NKAIN2: variants seen among roughly 807,000 people sequenced by gnomAD.
The protein encoded by NKAIN2 is sodium/potassium transporting ATPase interacting 2, also known as sodium/potassium-transporting ATPase subunit beta-1-interacting protein 2.
A neutral mutation model predicts 32.6 loss-of-function variants in NKAIN2; 14 were observed. The ratio of observed to expected loss-of-function variants is 0.43; its 90% confidence interval spans 0.28 to 0.67. NKAIN2 has a LOEUF of 0.67. NKAIN2 is among the 30% of genes least tolerant of loss of function. The pLI is 0.17. For missense variants in NKAIN2, 198 were observed against 258.3 expected, an observed-to-expected ratio of 0.77 and a Z score of 1.60; for synonymous variants, 80 against 87.2, an observed-to-expected ratio of 0.92 and a Z score of 0.46.
chr6:123,873,402 G>A (rs1305708644), intron 1 of NKAIN2, among the ~76,000 whole-genome samples: 1 of 152,156 alleles, frequency 6.6e-6, no homozygotes, highest in East Asian at 1.9e-4. Flanking sequence ...GTTATTCAGG[G>A]CCAAATAATG....
intron 1 of NKAIN2, among the ~76,000 whole-genome samples, chr6:123,833,016 A>G (rs1235177278): frequency 6.6e-6 from 1 of 152,190 alleles, no homozygotes; most frequent in Non-Finnish European, 1.5e-5. Context: ...TTTTGTCTAA[A>G]ATATAAATAC....
intron 3 of NKAIN2, among the ~76,000 whole-genome samples, chr6:124,482,270 C>A (rs775555064): frequency 2.6e-5 from 4 of 152,094 alleles, no homozygotes; most frequent in African/African-American, 7.2e-5. Context: ...GTGGTTGGCA[C>A]CTTATAATAA....
At chr6:124,202,407 G>A (rs1214667862) in intron 1 of NKAIN2, among the ~76,000 whole-genome samples, 1 of 151,848 alleles carries the variant, frequency 6.6e-6, no homozygotes, top group Non-Finnish European at 1.5e-5. Flanking sequence ...ACTGGAGTTA[G>A]GTGAGCATAT....
chr6:123,835,198 A>G (rs1190329067), intron 1 of NKAIN2, among the ~76,000 whole-genome samples: 1 of 152,210 alleles, frequency 6.6e-6, no homozygotes, highest in East Asian at 1.9e-4. Flanking sequence ...AGTTTCATTC[A>G]ATCAGTTGCC....
chr6:124,116,158 C>G (rs1785598592), intron 1 of NKAIN2, among the ~76,000 whole-genome samples: 2 of 152,084 alleles, frequency 1.3e-5, no homozygotes, highest in South Asian at 4.1e-4. Context: ...ATTTGCTTCA[C>G]TGATGCCATG....
intron 3 of NKAIN2, among the ~76,000 whole-genome samples, chr6:124,433,121 A>G (rs575432809): frequency 1.3e-4 from 20 of 152,332 alleles, no homozygotes; most frequent in East Asian, 7.7e-4. Flanking sequence ...TATGGCCTCA[A>G]TATCAGCCCT....
intron 3 of NKAIN2, among the ~76,000 whole-genome samples, chr6:124,545,173 A>G (rs1165871293): frequency 6.6e-6 from 1 of 152,224 alleles, no homozygotes; most frequent in African/African-American, 2.4e-5. Context: ...TTTTGTGCAG[A>G]ATTGCTTCAA....
intron 1 of NKAIN2, among the ~76,000 whole-genome samples, chr6:124,008,732 C>T (rs191662891): frequency 6.6e-6 from 1 of 152,272 alleles, no homozygotes; most frequent in East Asian, 1.9e-4. Flanking sequence ...TGTTTGTCAT[C>T]GTGATAAGTG....
At position 124,403,434 on chromosome 6, in the gene NKAIN2, G is replaced by A. The variant is rs527604492; in HGVS notation, c.273+48087G>A. Among the ~76,000 whole-genome samples, 128 of 152,166 alleles carry A rather than the reference G, an allele frequency of 8.4e-4. 1 individual carries two copies. The highest frequency in any genetic ancestry group is 1.5e-3 in the Non-Finnish European group (102 of 67,994). On this transcript the variant is annotated intron_variant, in intron 3 of 6. Coordinates refer to ENST00000368417, the MANE Select transcript of NKAIN2 (RefSeq NM_001040214.3). ...TCTCTTTCCCTCCCCAGTTCCAGTAGCTTTTACTTCCTTTTACCCCCCTTA... is the reference window on the plus strand; with the variant it reads ...TCTCTTTCCCTCCCCAGTTCCAGTAACTTTTACTTCCTTTTACCCCCCTTA...
At chr6:124,587,171 G>A (rs1364466757) in intron 3 of NKAIN2, among the ~76,000 whole-genome samples, 1 of 152,120 alleles carries the variant, frequency 6.6e-6, no homozygotes, top group African/African-American at 2.4e-5. Flanking sequence ...TACTAAAGAT[G>A]TTAAAAAGAA....
At chr6:124,057,401 TAAC>T (rs910748106) in intron 1 of NKAIN2, among the ~76,000 whole-genome samples, 2 of 152,112 alleles carry the variant, frequency 1.3e-5, no homozygotes, top group Admixed American at 6.6e-5. Flanking sequence ...AAGAATTTGT[TAAC>T]AACAATTTAG....
intron 3 of NKAIN2, among the ~76,000 whole-genome samples, chr6:124,563,220 A>G (rs1780773643): frequency 6.6e-6 from 1 of 152,126 alleles, no homozygotes; most frequent in South Asian, 2.1e-4. Flanking sequence ...AGTTTTGCAT[A>G]GAGTTACTGG....
Position 124,304,866 on chromosome 6 carries a change from A to T in NKAIN2, c.192+21724A>T, listed in dbSNP as rs905819503. Among the ~76,000 whole-genome samples, 18 of 152,134 alleles carry T rather than the reference A, an allele frequency of 1.2e-4. 1 individual carries two copies. Among genetic ancestry groups the T allele is most frequent in the Admixed American group, 9.8e-4 (15 of 15,272 alleles). On this transcript the variant is annotated intron_variant, in intron 2 of 6. Coordinates refer to ENST00000368417, the MANE Select transcript of NKAIN2 (RefSeq NM_001040214.3). ...GAGGTGGAGACTGTAGTGAGCCAAG[A>T]TCATGCCACTGCACTCCAGCCTGGC...
intron 1 of NKAIN2, among the ~76,000 whole-genome samples, chr6:123,994,436 G>A (rs1038535140): frequency 4.6e-5 from 7 of 152,058 alleles, no homozygotes; most frequent in Non-Finnish European, 1.0e-4. Context: ...AGGAAGAGTA[G>A]GATTAGAAAG....
chr6:124,659,634 G>A (rs189027940), intron 4 of NKAIN2, among the ~76,000 whole-genome samples: 2 of 152,214 alleles, frequency 1.3e-5, no homozygotes, highest in African/African-American at 2.4e-5. Context: ...ACTGATCACT[G>A]TCAGTAAGGA....
chr6:124,008,085 C>A, intron 1 of NKAIN2, among the ~76,000 whole-genome samples: 1 of 152,184 alleles, frequency 6.6e-6, no homozygotes. Context: ...CAGTGATGAC[C>A]GAGGAGGAGT....
chr6:124,528,184 A>G (rs1309536228), intron 3 of NKAIN2, among the ~76,000 whole-genome samples: 1 of 152,244 alleles, frequency 6.6e-6, no homozygotes, highest in African/African-American at 2.4e-5. Flanking sequence ...TGCTGGTCGC[A>G]AACTAAGGGA....
chr6:124,389,560 C>A (rs1773051558), intron 3 of NKAIN2, among the ~76,000 whole-genome samples: 1 of 151,884 alleles, frequency 6.6e-6, no homozygotes, highest in Non-Finnish European at 1.5e-5. Flanking sequence ...TCTCTTGGAA[C>A]CTAATAAAGC....
intron 1 of NKAIN2, among the ~76,000 whole-genome samples, chr6:124,002,217 C>T (rs778079001): frequency 1.3e-4 from 20 of 151,990 alleles, no homozygotes; most frequent in Non-Finnish European, 2.4e-4. Context: ...TGGATGCTCC[C>T]GGTATATCTA....
Sources: gnomAD v4.1 joint callset for allele counts (sites outside exome capture counted in the v4.1 genomes callset) on GRCh38, gnomAD v4.1.1 for gene constraint, MANE v1.5 for transcripts, NCBI Gene and HGNC (gene_info 2026-07-23, HGNC 2026-07-21) for gene names.